CSRNP3: variants seen among roughly 807,000 people sequenced by gnomAD.
CSRNP3 encodes cysteine/serine-rich nuclear protein 3.
CSRNP3 carries 12 observed loss-of-function variants against 48.0 expected under a neutral mutation model. The ratio of observed to expected loss-of-function variants is 0.25; its 90% CI spans 0.16 to 0.41. The LOEUF is 0.41. Ranked by LOEUF, CSRNP3 falls within the 10% of genes least tolerant of loss-of-function variation. The probability of loss-of-function intolerance (pLI) is 1.00; values close to 1 mark genes in which losing one functional copy is unlikely to be tolerated. For synonymous variants in CSRNP3, 263 were observed against 269.7 expected (o/e 0.98, Z 0.24); for missense variants, 580 against 724.4 (o/e 0.80, Z 2.29).
chr2:165,550,257 A>G (rs1254787458), intron 3 of CSRNP3, among the ~76,000 whole-genome samples: 1 of 152,214 alleles, frequency 6.6e-6, no homozygotes, highest in Non-Finnish European at 1.5e-5. Flanking sequence ...AAATGAAAAG[A>G]GGCAAAATGT....
Position 165,517,059 on chromosome 2 carries a change from G to C in CSRNP3, c.-112-814G>C, listed in dbSNP as rs566488901. 4.6e-5 allele frequency among the ~76,000 whole-genome samples: 7 copies of C among 152,060 alleles called. No homozygotes were observed. In the South Asian group the frequency reaches 1.0e-3, roughly 23 times the overall value. ...CTGTGGAAACATAATAAATGAACAAGCTTCTCTATCTCATTTTTAAAGAAA... is the reference window on the plus strand; with the variant it reads ...CTGTGGAAACATAATAAATGAACAACCTTCTCTATCTCATTTTTAAAGAAA... On this transcript the variant is annotated intron_variant, in intron 2 of 6. Coordinates refer to ENST00000651982, the MANE Select transcript of CSRNP3 (RefSeq NM_001172173.2).
At chr2:165,596,388 A>G (rs1439075926) in intron 4 of CSRNP3, among the ~76,000 whole-genome samples, 1 of 152,150 alleles carries the variant, frequency 6.6e-6, no homozygotes, top group Non-Finnish European at 1.5e-5. Flanking sequence ...TGTTATTAAT[A>G]TATGATTCTA....
intron 3 of CSRNP3, among the ~76,000 whole-genome samples, chr2:165,564,175 A>G (rs1182599144): frequency 1.3e-5 from 2 of 152,124 alleles, no homozygotes; most frequent in African/African-American, 4.8e-5. Context: ...CAATCAAAGC[A>G]ATCAAGTCTT....
intron 5 of CSRNP3, among the ~76,000 whole-genome samples, chr2:165,659,768 C>T (rs1429351658): frequency 6.6e-6 from 1 of 152,166 alleles, no homozygotes; most frequent in Non-Finnish European, 1.5e-5. Flanking sequence ...ATACCTGAAG[C>T]ACCATAAGCA....
chr2:165,658,107 A>G (rs950696447), intron 5 of CSRNP3, 87 bp downstream of exon 5: 1 of 1,413,380 alleles, frequency 7.1e-7, no homozygotes, highest in Non-Finnish European at 9.6e-7. Context: ...TAATCACGAA[A>G]CAAACTGGGC....
chr2:165,502,216 T>C (rs1684367952), intron 2 of CSRNP3, among the ~76,000 whole-genome samples: 1 of 151,980 alleles, frequency 6.6e-6, no homozygotes, highest in Non-Finnish European at 1.5e-5. Context: ...ATGTATCTAC[T>C]GACATAAAAA....
At chr2:165,577,343 T>C (rs1685469428) in intron 3 of CSRNP3, among the ~76,000 whole-genome samples, 1 of 151,834 alleles carries the variant, frequency 6.6e-6, no homozygotes, top group Admixed American at 6.6e-5. Context: ...AACAATAAAA[T>C]TGTAAAATGA....
chr2:165,630,543 T>C (rs1551338), intron 4 of CSRNP3, among the ~76,000 whole-genome samples: 124,995 of 152,144 alleles, frequency 0.82, 51,503 homozygotes, highest in Non-Finnish European at 0.84. Flanking sequence ...GATCTTTGTT[T>C]CTTCAGCTGG....
intron 2 of CSRNP3, among the ~76,000 whole-genome samples, chr2:165,514,654 A>C (rs895904979): frequency 2.6e-5 from 4 of 152,250 alleles, no homozygotes; most frequent in African/African-American, 7.2e-5. Flanking sequence ...GGCATTAAGC[A>C]CCAGATCCCC....
rs982227663 is a variant in CSRNP3, at chr2:165,666,952, G to T, written c.408+8932G>T. ...AGAGAGAAGAAGAAAGAAAGAGAGAGAGGAAGGAAGGAAGGAAGGAAAGAG... is the reference window on the plus strand; with the variant it reads ...AGAGAGAAGAAGAAAGAAAGAGAGATAGGAAGGAAGGAAGGAAGGAAAGAG... On this transcript the variant is annotated intron_variant, in intron 5 of 6. Coordinates refer to ENST00000651982, the MANE Select transcript of CSRNP3 (RefSeq NM_001172173.2). 1.6e-3 allele frequency among the ~76,000 whole-genome samples: 58 copies of T among 35,500 alleles called. 7 individuals are homozygous for T. The highest frequency in any genetic ancestry group is 3.3e-3 in the African/African-American group (54 of 16,344). 23.3% of individuals were successfully genotyped at this position (35,500 alleles called of 152,430 possible). A position where few individuals can be genotyped will look rare whatever the true frequency, so the allele number is the denominator to read the frequency against.
chr2:165,577,539 T>C (rs1377788631), intron 3 of CSRNP3, among the ~76,000 whole-genome samples: 1 of 151,880 alleles, frequency 6.6e-6, no homozygotes, highest in East Asian at 1.9e-4. Flanking sequence ...TACTGCCTTA[T>C]AGAGCAAGGT....
chr2:165,561,902 A>C (rs1685238829), intron 3 of CSRNP3, among the ~76,000 whole-genome samples: 1 of 152,152 alleles, frequency 6.6e-6, no homozygotes, highest in African/African-American at 2.4e-5. Flanking sequence ...GTTAAATACT[A>C]ATAAAGTCCA....
chr2:165,593,098 G>A (rs1184911986), intron 3 of CSRNP3, among the ~76,000 whole-genome samples: 1 of 152,110 alleles, frequency 6.6e-6, no homozygotes, highest in Admixed American at 6.5e-5. Context: ...ACCGCGCCCG[G>A]CCTAAACCTC....
At chr2:165,486,021 C>G (rs1241995584) in intron 1 of CSRNP3, among the ~76,000 whole-genome samples, 1 of 152,148 alleles carries the variant, frequency 6.6e-6, no homozygotes, top group Admixed American at 6.5e-5. Context: ...TTCTGCATTT[C>G]CATCTGAGGT....
At chr2:165,668,030 G>GATAC (rs1450258503) in intron 5 of CSRNP3, among the ~76,000 whole-genome samples, 1 of 152,134 alleles carries the variant, frequency 6.6e-6, no homozygotes, top group Non-Finnish European at 1.5e-5. Flanking sequence ...AGGTGCAAAG[G>GATAC]ATACACTGGT....
chr2:165,616,498 T>C (rs1686247283), intron 4 of CSRNP3, among the ~76,000 whole-genome samples: 1 of 152,200 alleles, frequency 6.6e-6, no homozygotes, highest in African/African-American at 2.4e-5. Flanking sequence ...TGGTAAATAA[T>C]TTATTTCTCT....
chr2:165,687,343 G>A lies in CSRNP3; in HGVS notation c.*7590G>A, dbSNP rs1390402533. 1 of 151,990 alleles carries A rather than the reference G, an allele frequency of 6.6e-6. No individual in the cohort carries two copies. The highest frequency in any genetic ancestry group is 1.5e-5 in the Non-Finnish European group (1 of 67,952). 9.4% of individuals were successfully genotyped at this position (151,990 alleles called of 1,614,324 possible). A position where few individuals can be genotyped will look rare whatever the true frequency, so the allele number is the denominator to read the frequency against. On this transcript the variant is annotated 3_prime_UTR_variant, in exon 7 of 7. Coordinates refer to ENST00000651982, the MANE Select transcript of CSRNP3 (RefSeq NM_001172173.2). ...GTTGTTGTTGTTTGTTTTTGTGATTGCTCTTATGTCGGTAGGTAATGTCAG... is the reference window on the plus strand; with the variant it reads ...GTTGTTGTTGTTTGTTTTTGTGATTACTCTTATGTCGGTAGGTAATGTCAG...
chr2:165,629,047 T>C (rs1262733842), intron 4 of CSRNP3, among the ~76,000 whole-genome samples: 1 of 152,084 alleles, frequency 6.6e-6, no homozygotes, highest in Non-Finnish European at 1.5e-5. Flanking sequence ...GGAAGAAAAA[T>C]TGGTTACAGT....
intron 3 of CSRNP3, among the ~76,000 whole-genome samples, chr2:165,572,774 T>C (rs1452487216): frequency 1.3e-5 from 2 of 152,222 alleles, no homozygotes; most frequent in Admixed American, 1.3e-4. Flanking sequence ...CAGAGAAATG[T>C]TGATATCATT....
Sources: gnomAD v4.1 joint callset for allele counts (sites outside exome capture counted in the v4.1 genomes callset) on GRCh38, gnomAD v4.1.1 for gene constraint, MANE v1.5 for transcripts, NCBI Gene and HGNC (gene_info 2026-07-23, HGNC 2026-07-21) for gene names.